The following BCL2L14 variants were observed in gnomAD, a reference collection of about 807,000 sequenced individuals.
BCL2L14 encodes BCL2 like 14, also known as apoptosis facilitator Bcl-2-like protein 14.
In BCL2L14, 27 loss-of-function variants were observed where a neutral mutation model predicts 35.3. That is an observed-to-expected ratio of 0.76 (90% CI 0.56 to 1.05). The LOEUF (loss-of-function observed/expected upper bound fraction) is 1.05, where lower values mean the gene tolerates loss of function less well. Ranked by LOEUF, BCL2L14 falls within the 50% of genes least tolerant of loss-of-function variation. BCL2L14 has a pLI of 0.00. For missense variants in BCL2L14, 377 were observed against 382.6 expected, an observed-to-expected ratio of 0.99 and a Z score of 0.12; for synonymous variants, 139 against 145.9, an observed-to-expected ratio of 0.95 and a Z score of 0.34.
chr12:12,064,309 T>G (rs906078727), intron 2 of BCL2L14, among the ~76,000 whole-genome samples: 121 of 151,480 alleles, frequency 8.0e-4, no homozygotes, highest in Non-Finnish European at 1.1e-3. Context: ...TTTGATTTTT[T>G]TTTTCTTTTT....
At chr12:12,094,985 G>T in intron 5 of BCL2L14, 55 bp downstream of exon 5, 2 of 1,526,518 alleles carry the variant, frequency 1.3e-6, no homozygotes, top group South Asian at 2.5e-5. Flanking sequence ...GAGATGGGAT[G>T]GATTTTTTTT....
At chr12:12,097,017 G>A (rs1019909757) in intron 5 of BCL2L14, among the ~76,000 whole-genome samples, 2 of 152,166 alleles carry the variant, frequency 1.3e-5, no homozygotes, top group African/African-American at 4.8e-5. Context: ...GGTGGCAGGT[G>A]CCTGTAGTCC....
intron 2 of BCL2L14, among the ~76,000 whole-genome samples, chr12:12,062,152 T>C (rs1948535151): frequency 6.6e-6 from 1 of 151,852 alleles, no homozygotes; most frequent in African/African-American, 2.4e-5. Context: ...CTGATGCATA[T>C]ACTTTCTGCT....
At chr12:12,078,283 C>T (rs771994359) in intron 1 of BCL2L14, among the ~76,000 whole-genome samples, 1 of 152,050 alleles carries the variant, frequency 6.6e-6, no homozygotes, top group Admixed American at 6.6e-5. Context: ...AGAGAGAAGC[C>T]GGGACAAGCT....
At chr12:12,089,549 T>A (rs555136140) in intron 3 of BCL2L14, among the ~76,000 whole-genome samples, 5 of 151,592 alleles carry the variant, frequency 3.3e-5, no homozygotes, top group East Asian at 1.9e-4. Flanking sequence ...TACAAAAAAA[T>A]TAGCCGGGTG....
upstream of BCL2L14, chr12:12,068,007 A>G (rs1948613814): frequency 2.6e-6 from 1 of 386,028 alleles, no homozygotes; most frequent in Admixed American, 4.5e-5. Flanking sequence ...ATCATGGCTC[A>G]TTGCAGCCTC....
intron 4 of BCL2L14, chr12:12,094,405 G>A (rs1591838240): frequency 1.9e-6 from 2 of 1,048,020 alleles, no homozygotes; most frequent in East Asian, 4.9e-5. Context: ...AAGTGCTCAG[G>A]AAATATTTGT....
At chr12:12,050,154 C>A (rs541727708) in intron 1 of BCL2L14, among the ~76,000 whole-genome samples, 1 of 152,052 alleles carries the variant, frequency 6.6e-6, no homozygotes, top group African/African-American at 2.4e-5. Context: ...ACACTCAGGG[C>A]CAAGGGTAGG....
chr12:12,062,449 A>T (rs1375223818), intron 2 of BCL2L14, among the ~76,000 whole-genome samples: 1 of 150,686 alleles, frequency 6.6e-6, no homozygotes. Flanking sequence ...CCCGCCTCTT[A>T]GAACCTCTCA....
At chr12:12,087,093 T>C (rs1270415453) in intron 2 of BCL2L14, 120 bp from the exon 3 acceptor site, 4 of 1,110,852 alleles carry the variant, frequency 3.6e-6, no homozygotes, top group Non-Finnish European at 5.2e-6. Context: ...CCAGCACACA[T>C]ACTCCCAGGC....
At chr12:12,092,767 C>T (rs1033315103) in intron 4 of BCL2L14, among the ~76,000 whole-genome samples, 1 of 152,158 alleles carries the variant, frequency 6.6e-6, no homozygotes, top group Admixed American at 6.5e-5. Context: ...TGCAGAGTCA[C>T]AACCCAGACG....
At position 12,087,327 on chromosome 12, in the gene BCL2L14, C is replaced by A. The variant is rs1949068993; in HGVS notation, c.548C>A (p.Thr183Asn). 5.0e-6 allele frequency: 8 copies of A among 1,614,222 alleles called. No homozygotes were observed. The highest frequency in any genetic ancestry group is 4.0e-5 in the African/African-American group (3 of 75,056). ...GGFKSKEIFVTEGLSFQLQGH... is the reference protein window; with the variant it reads ...GGFKSKEIFVNEGLSFQLQGH... Reference sequence around the variant, plus strand: ...TTCAAGTCCAAAGAGATTTTTGTAACTGAGGGTCTCTCCTTCCAGCTCCAA... The same window carrying A: ...TTCAAGTCCAAAGAGATTTTTGTAAATGAGGGTCTCTCCTTCCAGCTCCAA... Residue 183 changes from threonine (T) to asparagine (N), a missense_variant, in exon 3 of 6, where the codon ACT becomes AAT. Transcript: ENST00000308721.
At chr12:12,073,728 C>A (rs1948719470) in intron 1 of BCL2L14, among the ~76,000 whole-genome samples, 1 of 152,184 alleles carries the variant, frequency 6.6e-6, no homozygotes, top group Non-Finnish European at 1.5e-5. Context: ...GCCTCCTACC[C>A]AAGGACACAG....
At chr12:12,069,667 C>G (rs1948639341), upstream of BCL2L14, among the ~76,000 whole-genome samples, 1 of 149,062 alleles carries the variant, frequency 6.7e-6, no homozygotes. Flanking sequence ...AAGATCGCAC[C>G]ACTGCACTCC....
At chr12:12,067,432 T>G (rs1948607222), upstream of BCL2L14, among the ~76,000 whole-genome samples, 1 of 151,982 alleles carries the variant, frequency 6.6e-6, no homozygotes, top group South Asian at 2.1e-4. Context: ...ATGCCTGTAA[T>G]TGCAACTACT....
chr12:12,084,295 C>T (rs74064615), intron 2 of BCL2L14, among the ~76,000 whole-genome samples: 5,858 of 152,252 alleles, frequency 0.038, 159 homozygotes, highest in Middle Eastern at 0.099. Flanking sequence ...GAAACTGCCC[C>T]CAGCTTCTGA....
At position 12,088,463 on chromosome 12, in the gene BCL2L14, C is replaced by T. The variant is rs527954543; in HGVS notation, c.607+1077C>T. 2.0e-3 allele frequency among the ~76,000 whole-genome samples: 298 copies of T among 152,238 alleles called. 1 individual carries two copies. The highest frequency in any genetic ancestry group is 4.8e-3 in the South Asian group (23 of 4,828). ...TGGAAAGGAAAAGGGAAAATGCGGC[C>T]GCCATGTTGGACATGCCTAGTCCCA... On this transcript the variant is annotated intron_variant, in intron 3 of 5. Coordinates refer to ENST00000308721, the MANE Select transcript of BCL2L14 (RefSeq NM_138723.2).
intron 2 of BCL2L14, among the ~76,000 whole-genome samples, chr12:12,086,627 A>G (rs1186275362): frequency 6.6e-6 from 1 of 152,250 alleles, no homozygotes; most frequent in Admixed American, 6.5e-5. Flanking sequence ...ATAAGCATTC[A>G]TTGAATGTTT....
At chr12:12,057,948 T>A (rs1347630665) in intron 2 of BCL2L14, among the ~76,000 whole-genome samples, 1 of 21,446 alleles carries the variant, frequency 4.7e-5, no homozygotes, top group Non-Finnish European at 1.6e-4. Context: ...TGTGTTTGTC[T>A]TTTTTTTTTT....
Sources: gnomAD v4.1 joint callset for allele counts (sites outside exome capture counted in the v4.1 genomes callset) on GRCh38, gnomAD v4.1.1 for gene constraint, MANE v1.5 for transcripts, NCBI Gene and HGNC (gene_info 2026-07-23, HGNC 2026-07-21) for gene names.